Variants in NR3C2 observed in about 807,000 individuals in gnomAD.
The protein encoded by NR3C2 is nuclear receptor subfamily 3 group C member 2.
NR3C2 carries 15 observed loss-of-function variants against 86.4 expected under a neutral mutation model. That is an observed-to-expected ratio of 0.17 (90% CI 0.12 to 0.27). The LOEUF is 0.27. Ranked by LOEUF, NR3C2 falls within the 10% of genes least tolerant of loss-of-function variation. The pLI, the probability that NR3C2 is intolerant of heterozygous loss-of-function variation, is 1.00. For synonymous variants in NR3C2, 458 were observed against 450.5 expected, an observed-to-expected ratio of 1.02 and a Z score of -0.21; for missense variants, 960 against 1,195.6, an observed-to-expected ratio of 0.80 and a Z score of 2.91.
chr4:148,171,573 T>A (rs1185307372), intron 4 of NR3C2, among the ~76,000 whole-genome samples: 1 of 152,218 alleles, frequency 6.6e-6, no homozygotes, highest in Non-Finnish European at 1.5e-5. Context: ...ATCCCTTGAA[T>A]GTGCAGTTCA....
rs35181235 is a variant in NR3C2, at chr4:148,261,384, T to G, written c.1758-1267A>C. Reference sequence around the variant, plus strand: ...AAGCGCTATGGTGCGCTATGGTCAGTGTATGGTGCGCTATGGTCAGTGCTA... The same window carrying G: ...AAGCGCTATGGTGCGCTATGGTCAGGGTATGGTGCGCTATGGTCAGTGCTA... On this transcript the variant is annotated intron_variant, in intron 2 of 8. Coordinates refer to ENST00000358102, the MANE Select transcript of NR3C2 (RefSeq NM_000901.5). Among the ~76,000 whole-genome samples the G allele has an allele frequency of 3.2e-4, 30 of 94,834 alleles. 1 individual carries two copies. Among genetic ancestry groups the G allele is most frequent in the Non-Finnish European group, 5.9e-4 (25 of 42,266 alleles). 62.2% of individuals were successfully genotyped at this position (94,834 alleles called of 152,430 possible).
intron 2 of NR3C2, among the ~76,000 whole-genome samples, chr4:148,315,693 T>C (rs994668601): frequency 6.6e-6 from 1 of 152,218 alleles, no homozygotes; most frequent in African/African-American, 2.4e-5. Context: ...AAGACTTACG[T>C]ATTCTGTTTG....
At chr4:148,088,021 A>G (rs565327462) in intron 8 of NR3C2, among the ~76,000 whole-genome samples, 1 of 152,356 alleles carries the variant, frequency 6.6e-6, no homozygotes, top group East Asian at 1.9e-4. Context: ...TTTACAAGAA[A>G]AAAACAACCC....
intron 7 of NR3C2, among the ~76,000 whole-genome samples, chr4:148,119,012 CAG>C (rs1732393584): frequency 6.6e-6 from 1 of 152,154 alleles, no homozygotes; most frequent in Non-Finnish European, 1.5e-5. Context: ...TCTATTCCGC[CAG>C]AGAGACCCTT....
intron 2 of NR3C2, among the ~76,000 whole-genome samples, chr4:148,346,419 G>A (rs781428143): frequency 1.3e-5 from 2 of 152,066 alleles, no homozygotes; most frequent in Non-Finnish European, 2.9e-5. Context: ...TGAGCAGGCT[G>A]GGCGAAGGAA....
At chr4:148,224,741 G>A (rs1451955029) in intron 3 of NR3C2, among the ~76,000 whole-genome samples, 1 of 152,168 alleles carries the variant, frequency 6.6e-6, no homozygotes, top group African/African-American at 2.4e-5. Flanking sequence ...CAACTTGAAT[G>A]TCTTCATTTT....
At chr4:148,414,243 G>A (rs188595115) in intron 2 of NR3C2, among the ~76,000 whole-genome samples, 2 of 152,162 alleles carry the variant, frequency 1.3e-5, no homozygotes, top group Admixed American at 1.3e-4. Flanking sequence ...TAAAAACATG[G>A]GCAGAAAATA....
At chr4:148,304,306 A>C (rs1003401533) in intron 2 of NR3C2, among the ~76,000 whole-genome samples, 1 of 150,538 alleles carries the variant, frequency 6.6e-6, no homozygotes, top group East Asian at 1.9e-4. Context: ...ACATGCTGGC[A>C]AAAGGGTAAA....
At chr4:148,297,206 G>T (rs777436924) in intron 2 of NR3C2, among the ~76,000 whole-genome samples, 6 of 152,150 alleles carry the variant, frequency 3.9e-5, no homozygotes, top group South Asian at 2.1e-4. Flanking sequence ...GTCATTTGTT[G>T]ACTAATCAAC....
intron 6 of NR3C2, among the ~76,000 whole-genome samples, chr4:148,126,788 T>C (rs1341341014): frequency 6.6e-6 from 1 of 152,214 alleles, no homozygotes; most frequent in Non-Finnish European, 1.5e-5. Context: ...CATTTATGGA[T>C]TACCCGCCAC....
chr4:148,151,284 C>G (rs758294411), intron 6 of NR3C2, among the ~76,000 whole-genome samples: 1 of 151,932 alleles, frequency 6.6e-6, no homozygotes, highest in Non-Finnish European at 1.5e-5. Context: ...AAACAAGAAC[C>G]CTCTTTAATA....
chr4:148,302,227 G>A (rs763979310), intron 2 of NR3C2, among the ~76,000 whole-genome samples: 19 of 152,172 alleles, frequency 1.2e-4, no homozygotes, highest in Non-Finnish European at 2.4e-4. Flanking sequence ...AGGACTCATG[G>A]AGAGCTAAAA....
intron 3 of NR3C2, chr4:148,200,950 A>G (rs1389475316): frequency 3.3e-5 from 5 of 152,198 alleles, no homozygotes; most frequent in Non-Finnish European, 7.3e-5. Context: ...AAACTCTTAC[A>G]CAGACATCAA....
At chr4:148,268,471 G>A (rs1162464599) in intron 2 of NR3C2, among the ~76,000 whole-genome samples, 4 of 152,136 alleles carry the variant, frequency 2.6e-5, no homozygotes. Context: ...CTTACAACCT[G>A]AGCTGTTTGA....
intron 3 of NR3C2, among the ~76,000 whole-genome samples, chr4:148,250,550 A>G (rs1271541465): frequency 6.6e-6 from 1 of 152,064 alleles, no homozygotes; most frequent in African/African-American, 2.4e-5. Flanking sequence ...GCACCAAATG[A>G]CCCCAAATGC....
intron 2 of NR3C2, among the ~76,000 whole-genome samples, chr4:148,267,447 A>G (rs546343385): frequency 6.6e-5 from 10 of 152,274 alleles, no homozygotes; most frequent in Non-Finnish European, 1.5e-4. Context: ...GGTGGCTGCC[A>G]TAATAGTGGA....
chr4:148,102,437 C>T (rs1237036457), intron 8 of NR3C2, among the ~76,000 whole-genome samples: 1 of 152,216 alleles, frequency 6.6e-6, no homozygotes, highest in Non-Finnish European at 1.5e-5. Flanking sequence ...ACAAGCTCTT[C>T]ATCCCCCCTC....
At chr4:148,321,358 C>A (rs1443106994) in intron 2 of NR3C2, among the ~76,000 whole-genome samples, 11 of 151,598 alleles carry the variant, frequency 7.3e-5, no homozygotes, top group Non-Finnish European at 1.0e-4. Flanking sequence ...TATTCTGTTG[C>A]TTTGGGGTGG....
chr4:148,311,186 G>A (rs543819432), intron 2 of NR3C2, among the ~76,000 whole-genome samples: 208 of 151,952 alleles, frequency 1.4e-3, no homozygotes, highest in African/African-American at 4.7e-3. Context: ...GGATATTTTC[G>A]TTTCTCCATT....
Sources: allele counts gnomAD v4.1 joint callset (sites outside exome capture counted in the v4.1 genomes callset), GRCh38; gene constraint gnomAD v4.1.1; transcripts MANE v1.5; gene names NCBI Gene and HGNC (gene_info 2026-07-23, HGNC 2026-07-21).